SLC10A7: variants seen among roughly 807,000 people sequenced by gnomAD.
SLC10A7 encodes solute carrier family 10 member 7, also known as sodium/bile acid cotransporter 7.
Under a neutral mutation model 43.2 loss-of-function variants are expected in SLC10A7, and 29 were observed. The observed-to-expected ratio is 0.67, with a 90% CI of 0.50 to 0.92. The LOEUF is 0.92. Ranked by LOEUF, SLC10A7 falls within the 40% of genes least tolerant of loss-of-function variation. SLC10A7 has a pLI of 0.00. For missense variants in SLC10A7, 295 were observed against 403.2 expected (o/e 0.73, Z 2.30); for synonymous variants, 152 against 144.8 (o/e 1.05, Z -0.35).
intron 4 of SLC10A7, among the ~76,000 whole-genome samples, chr4:146,457,925 C>G (rs889428143): frequency 5.3e-5 from 8 of 151,814 alleles, no homozygotes; most frequent in Non-Finnish European, 7.4e-5. Flanking sequence ...AATATTAATT[C>G]TATAAAAACT....
rs896592118 is a variant in SLC10A7, at chr4:146,521,682, G to C, written c.36C>G (p.Phe12Leu). The C allele has an allele frequency of 6.2e-7, 1 of 1,614,196 alleles. No homozygotes were observed. The highest frequency in any genetic ancestry group is 8.5e-7 in the Non-Finnish European group (1 of 1,180,036). The change falls in exon 1 of 12, where the codon TTC (phenylalanine) becomes TTG (leucine). Residue 12 changes from phenylalanine to leucine, a missense_variant. Around this residue, in one of 2 missense-constraint regions of SLC10A7, gnomAD observed 53 missense variants for 40.7 expected, o/e 1.30. Transcript: ENST00000335472. Reference protein sequence around the residue: ...RLLERMRKDWFMVGIVLAIAG... With the variant: ...RLLERMRKDWLMVGIVLAIAG... ...CGATCGCCAGCACTATTCCGACCAT[G>C]AACCAGTCTTTCCTCATTCTCTCCA...
Position 146,475,572 on chromosome 4 carries a change from C to G in SLC10A7, c.396+28277G>C, listed in dbSNP as rs558778566. On this transcript the variant is annotated intron_variant, in intron 4 of 11. Coordinates refer to ENST00000335472, the MANE Select transcript of SLC10A7 (RefSeq NM_001029998.6). ...CTGGAGAAAGGACACTCCCATTTGCCAAGATCTAATACTATCACTTTGCAA... is the reference window on the plus strand; with the variant it reads ...CTGGAGAAAGGACACTCCCATTTGCGAAGATCTAATACTATCACTTTGCAA... Among the ~76,000 whole-genome samples the G allele has an allele frequency of 5.3e-5, 8 of 152,238 alleles. No individual in the cohort carries two copies. The South Asian group carries it at 1.2e-3, about 24-fold the overall frequency.
chr4:146,475,761 T>C (rs1733967452), intron 4 of SLC10A7, among the ~76,000 whole-genome samples: 1 of 152,182 alleles, frequency 6.6e-6, no homozygotes, highest in Non-Finnish European at 1.5e-5. Flanking sequence ...TCAAAAAACC[T>C]TTCAATCCAT....
chr4:146,309,082 A>C (rs927261870), intron 6 of SLC10A7, among the ~76,000 whole-genome samples: 1 of 152,096 alleles, frequency 6.6e-6, no homozygotes, highest in Non-Finnish European at 1.5e-5. Flanking sequence ...TCAGTCCTCT[A>C]GAATGTTGTT....
At chr4:146,323,478 T>C (rs538250728) in intron 6 of SLC10A7, among the ~76,000 whole-genome samples, 30 of 152,290 alleles carry the variant, frequency 2.0e-4, no homozygotes, top group African/African-American at 7.0e-4. Context: ...ATTTATTAAA[T>C]AGGGAAACCT....
rs148605254 is a variant in SLC10A7, at chr4:146,288,905, G to A, written c.773+4024C>T. ...TGGTCTTTTTATTCTTTCTTACAAA[G>A]CTTTCAATCAGTGTTTTCCACATAA... On this transcript the variant is annotated intron_variant, in intron 9 of 11. Coordinates refer to ENST00000335472, the MANE Select transcript of SLC10A7 (RefSeq NM_001029998.6). 2.0e-3 allele frequency among the ~76,000 whole-genome samples: 298 copies of A among 152,040 alleles called. 2 individuals are homozygous for A. The highest frequency in any genetic ancestry group is 6.0e-3 in the African/African-American group (248 of 41,422).
intron 9 of SLC10A7, among the ~76,000 whole-genome samples, chr4:146,284,765 A>G (rs1178108988): frequency 6.6e-6 from 1 of 152,186 alleles, no homozygotes; most frequent in African/African-American, 2.4e-5. Context: ...ATTGCATTAC[A>G]TGGCTTTCAT....
At chr4:146,343,811 T>G (rs1734429886) in intron 5 of SLC10A7, among the ~76,000 whole-genome samples, 2 of 152,070 alleles carry the variant, frequency 1.3e-5, no homozygotes, top group South Asian at 4.1e-4. Flanking sequence ...ATGGTGGAAC[T>G]TAATATTACA....
chr4:146,294,153 G>T, intron 7 of SLC10A7, 58 bp from the exon 8 acceptor site: 1 of 1,324,328 alleles, frequency 7.6e-7, no homozygotes, highest in Non-Finnish European at 1.0e-6. Context: ...GTTGAAATGG[G>T]CATCACAAAG....
intron 4 of SLC10A7, among the ~76,000 whole-genome samples, chr4:146,468,473 A>ATTTTTTTTT (rs368637891): frequency 1.4e-5 from 2 of 143,610 alleles, no homozygotes; most frequent in East Asian, 4.2e-4. Context: ...TTATATTTTA[A>ATTTTTTTTT]TTTTTTTTTT....
intron 4 of SLC10A7, among the ~76,000 whole-genome samples, chr4:146,462,525 C>T (rs1732633705): frequency 6.6e-6 from 1 of 152,036 alleles, no homozygotes; most frequent in African/African-American, 2.4e-5. Flanking sequence ...ACACCATTAA[C>T]CTTTATTTGA....
In SLC10A7 at chr4:146,471,686, TCACAC is replaced by T. The variant is rs770051576; in HGVS notation, c.397-28870_397-28866del. Among the ~76,000 whole-genome samples, 15 of 152,218 alleles carry T rather than the reference TCACAC, an allele frequency of 9.9e-5. No individual in the cohort carries two copies. The East Asian group carries it at 2.3e-3, about 23-fold the overall frequency. On this transcript the variant is annotated intron_variant, in intron 4 of 11. Coordinates refer to ENST00000335472, the MANE Select transcript of SLC10A7 (RefSeq NM_001029998.6). The stretch of plus-strand genomic sequence containing the variant: ...GCATTTAATGAGTAGTTACTCTATG[TCACAC>T]CAAATTATTTATATGCTTTATCTTT...
At chr4:146,275,701 T>A (rs1271980248) in intron 10 of SLC10A7, among the ~76,000 whole-genome samples, 2 of 152,082 alleles carry the variant, frequency 1.3e-5, no homozygotes, top group Non-Finnish European at 2.9e-5. Flanking sequence ...AAAGGAAGTT[T>A]AAGGTAGGTG....
At chr4:146,333,335 T>C (rs1390116076) in intron 5 of SLC10A7, among the ~76,000 whole-genome samples, 2 of 152,148 alleles carry the variant, frequency 1.3e-5, no homozygotes, top group African/African-American at 4.8e-5. Flanking sequence ...CCAGACCCTA[T>C]TAGATGATGA....
chr4:146,266,947 T>C (rs1728597095), intron 10 of SLC10A7, among the ~76,000 whole-genome samples: 1 of 152,212 alleles, frequency 6.6e-6, no homozygotes. Context: ...CAAGTGTTCA[T>C]CCATTATGTG....
intron 5 of SLC10A7, among the ~76,000 whole-genome samples, chr4:146,375,176 G>C (rs919646701): frequency 6.6e-6 from 1 of 151,994 alleles, no homozygotes; most frequent in Non-Finnish European, 1.5e-5. Flanking sequence ...ACTGCACTCC[G>C]GCCTGGGTGA....
intron 5 of SLC10A7, chr4:146,442,093 A>G (rs1177328785): frequency 1.0e-5 from 10 of 976,362 alleles, no homozygotes; most frequent in Non-Finnish European, 1.2e-5. Flanking sequence ...AAAAAATTAA[A>G]TCAACAGAAA....
intron 5 of SLC10A7, among the ~76,000 whole-genome samples, chr4:146,414,550 C>G (rs1003122867): frequency 3.9e-5 from 6 of 151,932 alleles, no homozygotes; most frequent in African/African-American, 1.2e-4. Context: ...ATGGTGAAAC[C>G]CTGTCTCTAC....
At chr4:146,267,808 G>A (rs1728653531) in intron 10 of SLC10A7, among the ~76,000 whole-genome samples, 1 of 152,094 alleles carries the variant, frequency 6.6e-6, no homozygotes, top group Admixed American at 6.6e-5. Flanking sequence ...CCTAGGGTTG[G>A]GTTCACTGAA....
Sources: gnomAD v4.1 joint callset for allele counts (sites outside exome capture counted in the v4.1 genomes callset) on GRCh38, gnomAD v4.1.1 for gene constraint, gnomAD v4.1.1 regional missense constraint, MANE v1.5 for transcripts, NCBI Gene and HGNC (gene_info 2026-07-23, HGNC 2026-07-21) for gene names.